LDLRAP1: variants seen among roughly 807,000 people sequenced by gnomAD.
LDLRAP1 encodes low density lipoprotein receptor adapter protein 1.
In LDLRAP1, 30 loss-of-function variants were observed where a neutral mutation model predicts 37.8. The ratio of observed to expected loss-of-function variants is 0.79; its 90% CI spans 0.59 to 1.08. LDLRAP1 has a LOEUF of 1.08. Among genes scored for constraint, LDLRAP1 ranks in the 50% least tolerant of loss-of-function variants. LDLRAP1 has a pLI of 0.00. For synonymous variants in LDLRAP1, 156 were observed against 169.8 expected (o/e 0.92, Z 0.63); for missense variants, 375 against 401.6 (o/e 0.93, Z 0.57).
chr1:25,553,691 A>C, intron 1 of LDLRAP1: 1 of 539,126 alleles, frequency 1.9e-6, no homozygotes, highest in Non-Finnish European at 3.3e-6. Context: ...GAATCGCTTG[A>C]ACCTGGGGTG....
chr1:25,586,287 C>A, the LDLRAP1 span, among the ~76,000 whole-genome samples: 1 of 152,124 alleles, frequency 6.6e-6, no homozygotes, highest in Non-Finnish European at 1.5e-5. The surrounding 1 kb of genome is among the most constrained non-coding windows in gnomAD (Gnocchi z 4.3). Flanking sequence ...GGCCCAGGGG[C>A]TCTCATGATA....
chr1:25,573,789 C>T (rs1194164253), downstream of LDLRAP1, among the ~76,000 whole-genome samples: 1 of 152,214 alleles, frequency 6.6e-6, no homozygotes, highest in Admixed American at 6.5e-5. Context: ...GGCTATTTCA[C>T]ACAGGCGGGG....
In LDLRAP1 at chr1:25,547,266, T is replaced by C. The variant is rs759781295; in HGVS notation, c.88+3480T>C. ...GGGAGACCAAGGTGGGCAGATCACCTGAGGTCAAGAGTTCGAGACCAGCCT... is the reference window on the plus strand; with the variant it reads ...GGGAGACCAAGGTGGGCAGATCACCCGAGGTCAAGAGTTCGAGACCAGCCT... On this transcript the variant is annotated intron_variant, in intron 1 of 8. Transcript: ENST00000374338. Among the ~76,000 whole-genome samples the C allele has an allele frequency of 2.2e-4, 34 of 152,020 alleles. No individual in the cohort carries two copies. The highest frequency in any genetic ancestry group is 4.7e-4 in the Non-Finnish European group (32 of 68,004).
intron 4 of LDLRAP1, among the ~76,000 whole-genome samples, chr1:25,557,661 G>A (rs532276281): frequency 7.9e-5 from 12 of 152,166 alleles, no homozygotes; most frequent in Non-Finnish European, 1.5e-4. Context: ...AGGCAAAGGC[G>A]AGAGCCGTCA....
At chr1:25,571,466 G>A (rs553513271), downstream of LDLRAP1, among the ~76,000 whole-genome samples, 26 of 152,384 alleles carry the variant, frequency 1.7e-4, no homozygotes, top group Admixed American at 1.4e-3. Flanking sequence ...CGGAAGGGCA[G>A]GAAGGAGGGT....
At chr1:25,565,146 C>G (rs748249498) in intron 7 of LDLRAP1, 27 bp from the exon 8 acceptor site, 5 of 1,613,748 alleles carry the variant, frequency 3.1e-6, no homozygotes, top group Non-Finnish European at 4.2e-6. Context: ...AAACATAGTT[C>G]TTATCTCCTG....
chr1:25,555,116 A>G lies in LDLRAP1; in HGVS notation c.344+144A>G, dbSNP rs1482847780. On this transcript the variant is annotated intron_variant, in intron 3 of 8. Coordinates refer to ENST00000374338, the MANE Select transcript of LDLRAP1 (RefSeq NM_015627.3). The surrounding 1 kb of genome is among the most constrained non-coding windows in gnomAD (Gnocchi z 4.7). ...TCATCTGTAAAATGGGGGTGGGAAC[A>G]GATCCTGCTGCACAGCGCTGTTAGG... is the stretch of plus-strand genomic sequence containing the variant. 4 of 726,878 alleles carry G rather than the reference A, an allele frequency of 5.5e-6. No homozygotes were observed. The African/African-American group carries it at 6.9e-5, about 13-fold the overall frequency. The allele number at this position is 726,878 out of a possible 1,614,324, so 45.0% of individuals were successfully genotyped here. A position where few individuals can be genotyped will look rare whatever the true frequency, so the allele number is the denominator to read the frequency against.
At chr1:25,579,548 A>G in the LDLRAP1 span, among the ~76,000 whole-genome samples, 1 of 152,254 alleles carries the variant, frequency 6.6e-6, no homozygotes, top group Non-Finnish European at 1.5e-5. Flanking sequence ...AATTGTTTTC[A>G]GCACAGTTAT....
In LDLRAP1 at chr1:25,555,015, G is replaced by A. The variant is rs1158697248; in HGVS notation, c.344+43G>A. The A allele has an allele frequency of 1.4e-6, 2 of 1,395,908 alleles. No individual in the cohort carries two copies. Among genetic ancestry groups the A allele is most frequent in the Non-Finnish European group, 2.0e-6 (2 of 983,336 alleles). 86.5% of individuals were successfully genotyped at this position (1,395,908 alleles called of 1,614,324 possible). A position where few individuals can be genotyped will look rare whatever the true frequency, so the allele number is the denominator to read the frequency against. On this transcript the variant is annotated intron_variant, in intron 3 of 8. Coordinates refer to ENST00000374338, the MANE Select transcript of LDLRAP1 (RefSeq NM_015627.3). This position sits in a 1 kb window ranked among gnomAD's most constrained non-coding sequence, Gnocchi z 4.7. The stretch of plus-strand genomic sequence containing the variant: ...TTGGCCCATCCACTCTGCCACTTGG[G>A]GCAGTGGGTGGAGTATCCCATCTGA...
At chr1:25,558,925 G>A (rs747064586) in intron 4 of LDLRAP1, among the ~76,000 whole-genome samples, 2 of 152,160 alleles carry the variant, frequency 1.3e-5, no homozygotes, top group Admixed American at 1.3e-4. Flanking sequence ...CGGTCTCCTG[G>A]CTGATTTGCT....
Position 25,555,108 on chromosome 1 carries a change from G to A in LDLRAP1, c.344+136G>A. On this transcript the variant is annotated intron_variant, in intron 3 of 8. Transcript: ENST00000374338. This position sits in a 1 kb window ranked among gnomAD's most constrained non-coding sequence, Gnocchi z 4.7. Reference sequence around the variant, plus strand: ...CAGTTTCCTCATCTGTAAAATGGGGGTGGGAACAGATCCTGCTGCACAGCG... The same window carrying A: ...CAGTTTCCTCATCTGTAAAATGGGGATGGGAACAGATCCTGCTGCACAGCG... 1 of 737,018 alleles carries A rather than the reference G, an allele frequency of 1.4e-6. No homozygotes were observed. Among genetic ancestry groups the A allele is most frequent in the East Asian group, 2.7e-5 (1 of 37,368 alleles). The allele number at this position is 737,018 out of a possible 1,614,324, so 45.7% of individuals were successfully genotyped here.
rs2044406214 is a variant in LDLRAP1 at position 25,563,711 on chromosome 1, C to T, written c.667C>T (p.Leu223=). The change falls in exon 7 of 9, where the codon CTG becomes TTG. Residue 223 remains leucine, a synonymous_variant. Transcript: ENST00000374338. Reference sequence around the variant, plus strand: ...CTTAGAGGAGACAGCTAAGGCCCCGCTGTCCACGGTCAGCGCCAACACCAC... The same window carrying T: ...CTTAGAGGAGACAGCTAAGGCCCCGTTGTCCACGGTCAGCGCCAACACCAC... The part of the protein sequence containing the change: ...LDLEETAKAP[L]STVSANTTNM... 1 of 1,613,988 alleles carries T rather than the reference C, an allele frequency of 6.2e-7. No individual in the cohort carries two copies. Among genetic ancestry groups the T allele is most frequent in the South Asian group, 1.1e-5 (1 of 91,088 alleles).
At chr1:25,545,822 A>G (rs1260173454) in intron 1 of LDLRAP1, among the ~76,000 whole-genome samples, 1 of 152,224 alleles carries the variant, frequency 6.6e-6, no homozygotes, top group Admixed American at 6.5e-5. Flanking sequence ...TTTGCCTGGC[A>G]TAGAGGAGGA....
chr1:25,570,244 T>C (rs1052561347), downstream of LDLRAP1, among the ~76,000 whole-genome samples: 1 of 152,140 alleles, frequency 6.6e-6, no homozygotes, highest in Non-Finnish European at 1.5e-5. Flanking sequence ...TATCTTTCGG[T>C]TTAAATTTGG....
chr1:25,579,350 C>T, the LDLRAP1 span, among the ~76,000 whole-genome samples: 1 of 152,188 alleles, frequency 6.6e-6, no homozygotes, highest in African/African-American at 2.4e-5. Context: ...GTCCCACACC[C>T]TGCAGGGCTG....
chr1:25,547,277 G>C (rs2043957348), intron 1 of LDLRAP1, among the ~76,000 whole-genome samples: 1 of 152,010 alleles, frequency 6.6e-6, no homozygotes. Context: ...GAGGTCAAGA[G>C]TTCGAGACCA....
In LDLRAP1 at chr1:25,555,470, C is replaced by T. The variant is rs1314869536; in HGVS notation, c.344+498C>T. On this transcript the variant is annotated intron_variant, in intron 3 of 8. Coordinates refer to ENST00000374338, the MANE Select transcript of LDLRAP1 (RefSeq NM_015627.3). This position sits in a 1 kb window ranked among gnomAD's most constrained non-coding sequence, Gnocchi z 4.7. ...AGCCTCAGACTATCCCCACCTCTCT[C>T]GGCTGGTCAGTTGTAGTTTTTCAGA... Among the ~76,000 whole-genome samples the T allele has an allele frequency of 1.3e-5, 2 of 152,144 alleles. No homozygotes were observed. Among genetic ancestry groups the T allele is most frequent in the Admixed American group, 6.5e-5 (1 of 15,280 alleles).
At chr1:25,570,918 G>A (rs1393832500), downstream of LDLRAP1, among the ~76,000 whole-genome samples, 10 of 152,228 alleles carry the variant, frequency 6.6e-5, no homozygotes, top group South Asian at 6.2e-4. Flanking sequence ...ACCTAACACT[G>A]GTGATACTAG....
Position 25,557,219 on chromosome 1 carries a change from C to T in LDLRAP1, c.411C>T (p.His137=). The change falls in exon 4 of 9, where the codon CAC becomes CAT. Residue 137 remains histidine, a synonymous_variant. Coordinates refer to ENST00000374338, the MANE Select transcript of LDLRAP1 (RefSeq NM_015627.3). ...TTGCATACATCGCCCAGAGCCAGCA[C>T]AACCAGAGCCTCGAGTGCCACGCCT... ...KVFAYIAQSQ[H]NQSLECHAFL... 6.2e-7 allele frequency: 1 copy of T among 1,613,196 alleles called. No homozygotes were observed. The highest frequency in any genetic ancestry group is 8.5e-7 in the Non-Finnish European group (1 of 1,179,468).
Sources: gnomAD v4.1 joint callset for allele counts (sites outside exome capture counted in the v4.1 genomes callset) on GRCh38, gnomAD v4.1.1 for gene constraint, Gnocchi (gnomAD v3.1) non-coding constraint, MANE v1.5 for transcripts, NCBI Gene and HGNC (gene_info 2026-07-23, HGNC 2026-07-21) for gene names.